Variants in HMGA1 observed in about 807,000 individuals in gnomAD.
HMGA1 encodes high mobility group protein HMG-I/HMG-Y.
HMGA1 carries 1 observed loss-of-function variant against 15.1 expected under a neutral mutation model. The ratio of observed to expected loss-of-function variants is 0.07; its 90% CI spans 0.02 to 0.31. HMGA1 has a LOEUF of 0.31. Ranked by LOEUF, HMGA1 falls within the 10% of genes least tolerant of loss-of-function variation. The probability of loss-of-function intolerance (pLI) is 1.00; values close to 1 mark genes in which losing one functional copy is unlikely to be tolerated. For synonymous variants in HMGA1, 56 were observed against 54.8 expected, an observed-to-expected ratio of 1.02 and a Z score of -0.10; for missense variants, 94 against 141.4, an observed-to-expected ratio of 0.66 and a Z score of 1.70.
At chr6:34,239,027 T>C (rs540413079) in intron 2 of HMGA1, 2 of 152,276 alleles carry the variant, frequency 1.3e-5, no homozygotes, top group Admixed American at 1.3e-4. Flanking sequence ...AATATAAGAT[T>C]CTAATCACTG....
chr6:34,244,701 C>G, intron 5 of HMGA1, 130 bp from the exon 6 acceptor site: 2 of 766,804 alleles, frequency 2.6e-6, no homozygotes, highest in South Asian at 1.5e-5. Context: ...GCTGAGTCAC[C>G]CACACACTCA....
At position 34,239,347 on chromosome 6, in the gene HMGA1, A is replaced by G. The variant is rs558266012; in HGVS notation, c.-44-1390A>G. On this transcript the variant is annotated intron_variant, in intron 2 of 5. Coordinates refer to ENST00000311487, the MANE Select transcript of HMGA1 (RefSeq NM_145899.3). The stretch of plus-strand genomic sequence containing the variant: ...TGGTCTCGAACTCCTGACCTCAAGC[A>G]GTCCTCCTGCTTTGGCATCCCAAAG... Among the ~76,000 whole-genome samples the G allele has an allele frequency of 2.0e-5, 3 of 151,782 alleles. No homozygotes were observed. In the East Asian group the frequency reaches 5.8e-4, roughly 29 times the overall value.
intron 2 of HMGA1, among the ~76,000 whole-genome samples, chr6:34,238,206 G>A (rs1329096664): frequency 2.0e-5 from 3 of 152,066 alleles, no homozygotes; most frequent in African/African-American, 7.2e-5. Flanking sequence ...CGGTGCATGC[G>A]GTCGGGGTGC....
In HMGA1 at chr6:34,240,789, G is replaced by A; in HGVS notation, c.9G>A (p.Glu3=). MS[E]SSSKSSQPLA... is the part of the protein sequence containing the mutation. The stretch of plus-strand genomic sequence containing the variant: ...TCCTTAGAGAAGGGAAGATGAGTGA[G>A]TCGAGCTCGAAGTCCAGCCAGCCCT... Residue 3 remains glutamate, a synonymous_variant, in exon 3 of 6, where the codon GAG becomes GAA. Transcript: ENST00000311487. The A allele has an allele frequency of 6.2e-7, 1 of 1,612,542 alleles. No individual in the cohort carries two copies. The highest frequency in any genetic ancestry group is 8.5e-7 in the Non-Finnish European group (1 of 1,179,892).
Position 34,243,517 on chromosome 6 carries a change from T to C in HMGA1, c.269T>C (p.Leu90Pro). The change falls in exon 5 of 6, where the codon CTG becomes CCG. Residue 90 changes from leucine to proline, a missense_variant and splice_region_variant. Transcript: ENST00000311487. The stretch of plus-strand genomic sequence containing the variant: ...AAACCAAGGGGCAGACCCAAAAAAC[T>C]GGTAGGTGAAGAAGCAGACTGCTGC... ...GRKPRGRPKK[L>P]EKEEEEGISQ... 4 of 1,613,258 alleles carry C rather than the reference T, an allele frequency of 2.5e-6. No homozygotes were observed. Among genetic ancestry groups the C allele is most frequent in the South Asian group, 2.2e-5 (2 of 91,032 alleles).
chr6:34,245,289 C>G lies in HMGA1; in HGVS notation c.*405C>G. ...GCTCCTTCACTGTTCCCTCTGGCTT[C>G]CCATAGTGGGGCCTGGGAGGGTTCC... On this transcript the variant is annotated 3_prime_UTR_variant, in exon 6 of 6. Transcript: ENST00000311487. 7.3e-7 allele frequency: 1 copy of G among 1,372,096 alleles called. No individual in the cohort carries two copies. The highest frequency in any genetic ancestry group is 9.6e-7 in the Non-Finnish European group (1 of 1,040,266). The allele number at this position is 1,372,096 out of a possible 1,614,324, so 85.0% of individuals were successfully genotyped here.
At chr6:34,240,463 C>T (rs11757680) in intron 2 of HMGA1, among the ~76,000 whole-genome samples, 5,754 of 152,154 alleles carry the variant, frequency 0.038, 167 homozygotes, top group South Asian at 0.074. Context: ...CCTGGGACCC[C>T]CCCCACCACG....
intron 2 of HMGA1, among the ~76,000 whole-genome samples, chr6:34,238,392 A>G (rs1201027656): frequency 2.6e-5 from 4 of 152,088 alleles, no homozygotes; most frequent in African/African-American, 7.2e-5. Flanking sequence ...CGGGTAGGCA[A>G]AGTGTCGGGT....
chr6:34,240,551 A>T, intron 2 of HMGA1, 186 bp from the exon 3 acceptor site: 1 of 559,012 alleles, frequency 1.8e-6, no homozygotes, highest in Non-Finnish European at 3.2e-6. Flanking sequence ...GATTAGGGCC[A>T]ACGGCCCTTC....
Position 34,244,890 on chromosome 6 carries a change from G to A in HMGA1, c.*6G>A, listed in dbSNP as rs1229061581. 1.3e-6 allele frequency: 2 copies of A among 1,556,876 alleles called. No homozygotes were observed. On this transcript the variant is annotated 3_prime_UTR_variant, in exon 6 of 6. Coordinates refer to ENST00000311487, the MANE Select transcript of HMGA1 (RefSeq NM_145899.3). Reference sequence around the variant, plus strand: ...CCTCGGAGGAGGAGCAGTGACCCATGCGTGCCGCCTGCTCCTCACTGGAGG... The same window carrying A: ...CCTCGGAGGAGGAGCAGTGACCCATACGTGCCGCCTGCTCCTCACTGGAGG...
chr6:34,242,850 G>C, intron 4 of HMGA1, 55 bp downstream of exon 4: 1 of 1,348,234 alleles, frequency 7.4e-7, no homozygotes, highest in South Asian at 1.2e-5. Flanking sequence ...GGATCCTCTT[G>C]TTGGCACCAT....
intron 5 of HMGA1, among the ~76,000 whole-genome samples, chr6:34,244,324 C>G (rs555693691): frequency 6.6e-6 from 1 of 152,240 alleles, no homozygotes; most frequent in African/African-American, 2.4e-5. Flanking sequence ...GCACACACTT[C>G]CCCTTCCTCC....
chr6:34,245,111 T>G lies in HMGA1; in HGVS notation c.*227T>G. On this transcript the variant is annotated 3_prime_UTR_variant, in exon 6 of 6. Coordinates refer to ENST00000311487, the MANE Select transcript of HMGA1 (RefSeq NM_145899.3). Reference sequence around the variant, plus strand: ...GGGAGCAGTTTTCCCCTGGCCTCAGTTCCCAGCTCCCCCCGCCCACCCACG... The same window carrying G: ...GGGAGCAGTTTTCCCCTGGCCTCAGGTCCCAGCTCCCCCCGCCCACCCACG... 1 of 1,504,692 alleles carries G rather than the reference T, an allele frequency of 6.6e-7. No homozygotes were observed. The allele number at this position is 1,504,692 out of a possible 1,614,324, so 93.2% of individuals were successfully genotyped here. A position where few individuals can be genotyped will look rare whatever the true frequency, so the allele number is the denominator to read the frequency against.
chr6:34,245,632 T>A lies in HMGA1; in HGVS notation c.*748T>A. ...TTGTGGTGATGGAGATGCAGTCACT[T>A]ATTGTCCAGGTGAGGCCCAAGAGCC... On this transcript the variant is annotated 3_prime_UTR_variant, in exon 6 of 6. Coordinates refer to ENST00000311487, the MANE Select transcript of HMGA1 (RefSeq NM_145899.3). 3 of 1,377,222 alleles carry A rather than the reference T, an allele frequency of 2.2e-6. No homozygotes were observed. The highest frequency in any genetic ancestry group is 2.9e-6 in the Non-Finnish European group (3 of 1,033,024). 85.3% of individuals were successfully genotyped at this position (1,377,222 alleles called of 1,614,324 possible).
intron 5 of HMGA1, among the ~76,000 whole-genome samples, chr6:34,244,324 C>T (rs555693691): frequency 6.6e-6 from 1 of 152,122 alleles, no homozygotes; most frequent in South Asian, 2.1e-4. Context: ...GCACACACTT[C>T]CCCTTCCTCC....
intron 3 of HMGA1, among the ~76,000 whole-genome samples, chr6:34,241,376 T>G (rs1042651116): frequency 6.6e-6 from 1 of 152,256 alleles, no homozygotes; most frequent in Non-Finnish European, 1.5e-5. Flanking sequence ...TGAATACTTA[T>G]GGTCGATTCT....
intron 3 of HMGA1, among the ~76,000 whole-genome samples, chr6:34,242,011 T>C (rs1405966105): frequency 1.3e-5 from 2 of 152,182 alleles, no homozygotes; most frequent in African/African-American, 2.4e-5. Flanking sequence ...GCAGGGTTAC[T>C]GGACCCTGGT....
intron 2 of HMGA1, among the ~76,000 whole-genome samples, chr6:34,239,538 A>G (rs1232148479): frequency 6.6e-6 from 1 of 152,204 alleles, no homozygotes; most frequent in African/African-American, 2.4e-5. Context: ...TCAGGCAGGT[A>G]CCTTATAATT....
At chr6:34,236,989 TTC>T (rs1761796560) in intron 1 of HMGA1, 26 bp downstream of exon 1, 2 of 152,106 alleles carry the variant, frequency 1.3e-5, no homozygotes, top group Admixed American at 6.5e-5. Context: ...CTCCGGTGGC[TTC>T]TTTTTTTTAT....
Sources: gnomAD v4.1 joint callset for allele counts (sites outside exome capture counted in the v4.1 genomes callset) on GRCh38, gnomAD v4.1.1 for gene constraint, MANE v1.5 for transcripts, NCBI Gene and HGNC (gene_info 2026-07-23, HGNC 2026-07-21) for gene names.